The following RSPH14 variants were observed in gnomAD, a reference collection of about 807,000 sequenced individuals.
RSPH14 encodes the protein rhabdoid tumor deletion region gene 1.
A neutral mutation model predicts 26.7 loss-of-function variants in RSPH14; 20 were observed. That is an observed-to-expected ratio of 0.75 (90% CI 0.53 to 1.09). The LOEUF (loss-of-function observed/expected upper bound fraction) is 1.09. Ranked by LOEUF, RSPH14 falls within the 50% of genes least tolerant of loss-of-function variation. The probability of loss-of-function intolerance (pLI) is 0.00; values close to 1 mark genes in which losing one functional copy is unlikely to be tolerated. For missense variants in RSPH14, 449 were observed against 457.2 expected (o/e 0.98, Z 0.16); for synonymous variants, 177 against 189.3 (o/e 0.93, Z 0.53).
upstream of RSPH14, chr22:23,149,947 C>T (rs1437152483): frequency 1.0e-5 from 8 of 792,752 alleles, no homozygotes; most frequent in East Asian, 2.2e-4. Flanking sequence ...AATGAGGCTG[C>T]CAGCTGTGAG....
At chr22:23,135,317 CAA>C (rs55649510) in intron 3 of RSPH14, among the ~76,000 whole-genome samples, 1,299 of 85,858 alleles carry the variant, frequency 0.015, 9 homozygotes, top group African/African-American at 0.034. Context: ...ACTAAAAATA[CAA>C]AAAAAAAAAA....
chr22:23,121,186 TC>T (rs1282700490), intron 4 of RSPH14, among the ~76,000 whole-genome samples: 1 of 152,110 alleles, frequency 6.6e-6, no homozygotes, highest in East Asian at 1.9e-4. Context: ...AGCACCCCCA[TC>T]CCCAGACCTG....
At chr22:23,103,234 G>T (rs1233018059) in intron 4 of RSPH14, among the ~76,000 whole-genome samples, 2 of 152,164 alleles carry the variant, frequency 1.3e-5, no homozygotes, top group African/African-American at 4.8e-5. Context: ...AGCCAGGTAG[G>T]AGTAATCACA....
Position 23,063,985 on chromosome 22 carries a change from A to G in RSPH14, c.570T>C (p.Asn190=), listed in dbSNP as rs748247972. ...GCTTCTGCTTCAGGACAAGCACCAC[A>G]TTGCTGCCCAGGGCCTCGGTGGCAT... ...QEDATEALGS[N]VVLVLKQKLL... Residue 190 remains asparagine (N), a synonymous_variant, in exon 5 of 7, where the codon AAT becomes AAC. Coordinates refer to ENST00000216036, the MANE Select transcript of RSPH14 (RefSeq NM_014433.3). The G allele has an allele frequency of 1.9e-6, 3 of 1,614,034 alleles. No individual in the cohort carries two copies. Among genetic ancestry groups the G allele is most frequent in the South Asian group, 1.1e-5 (1 of 91,074 alleles).
chr22:23,125,746 G>A (rs1601846963), intron 4 of RSPH14, among the ~76,000 whole-genome samples: 1 of 152,328 alleles, frequency 6.6e-6, no homozygotes, highest in Non-Finnish European at 1.5e-5. Context: ...CCAGGGAGCT[G>A]TTGCTCCCAC....
the RSPH14 span, among the ~76,000 whole-genome samples, chr22:23,173,678 C>G: frequency 7.2e-6 from 1 of 139,490 alleles, no homozygotes; most frequent in East Asian, 2.1e-4. Context: ...GGTGCCCAGG[C>G]TGGTCTCAAA....
upstream of RSPH14, among the ~76,000 whole-genome samples, chr22:23,149,630 T>A (rs1231294187): frequency 1.3e-5 from 2 of 152,178 alleles, no homozygotes; most frequent in Non-Finnish European, 2.9e-5. Flanking sequence ...CTCTGTCTCT[T>A]GAGCTGAAGC....
chr22:23,136,449 A>T (rs2070486390), intron 3 of RSPH14: 1 of 511,496 alleles, frequency 2.0e-6, no homozygotes, highest in Non-Finnish European at 3.7e-6. Flanking sequence ...GAAATTTAGA[A>T]GTTGGCCACA....
At chr22:23,156,145 G>GAGAAA in the RSPH14 span, 1 of 882,768 alleles carries the variant, frequency 1.1e-6, no homozygotes, top group Non-Finnish European at 1.7e-6. Flanking sequence ...TGTCCTCCAA[G>GAGAAA]ACCCACTGAG....
At position 23,082,135 on chromosome 22, in the gene RSPH14, C is replaced by CA. The variant is rs77916701; in HGVS notation, c.422-18003dup. ...GCAAGACTCCGCCTCAAAAAAAAAA[C>CA]AAAAAAAAAAAACACCCCAGAAATA... is the stretch of plus-strand genomic sequence containing the variant. On this transcript the variant is annotated intron_variant, in intron 4 of 6. Transcript: ENST00000216036. Among the ~76,000 whole-genome samples the CA allele has an allele frequency of 9.6e-3, 1,326 of 137,506 alleles. 11 individuals carry two copies. The highest frequency in any genetic ancestry group is 0.034 in the East Asian group (155 of 4,594). 90.2% of individuals were successfully genotyped at this position (137,506 alleles called of 152,430 possible).
the RSPH14 span, chr22:23,153,188 A>G: frequency 2.9e-6 from 4 of 1,369,970 alleles, no homozygotes; most frequent in South Asian, 3.5e-5. Context: ...GGCACCTGAG[A>G]AAGGATTTGG....
At chr22:23,120,711 GC>G (rs2069995093) in intron 4 of RSPH14, among the ~76,000 whole-genome samples, 2 of 151,808 alleles carry the variant, frequency 1.3e-5, no homozygotes, top group South Asian at 4.2e-4. Flanking sequence ...GCCAGATCAC[GC>G]CCTTCCCAAC....
intron 4 of RSPH14, among the ~76,000 whole-genome samples, chr22:23,111,782 G>A (rs1004386990): frequency 6.6e-6 from 1 of 152,188 alleles, no homozygotes; most frequent in Non-Finnish European, 1.5e-5. Flanking sequence ...AGGCTCCACA[G>A]GGCAAGCCCC....
At chr22:23,157,156 C>G in the RSPH14 span, among the ~76,000 whole-genome samples, 1 of 152,220 alleles carries the variant, frequency 6.6e-6, no homozygotes, top group Non-Finnish European at 1.5e-5. Context: ...TTCTGCCCAC[C>G]TGGCTCCCCG....
upstream of RSPH14, chr22:23,145,982 C>T (rs766581816): frequency 2.1e-4 from 210 of 985,306 alleles, no homozygotes; most frequent in Non-Finnish European, 2.4e-4. Context: ...GACCCCTCCC[C>T]ACTCTACTTC....
At chr22:23,161,633 G>C in the RSPH14 span, 1 of 1,318,194 alleles carries the variant, frequency 7.6e-7, no homozygotes, top group South Asian at 1.3e-5. Context: ...ACTGTGGTGT[G>C]GAGACTGGAG....
the RSPH14 span, among the ~76,000 whole-genome samples, chr22:23,177,571 G>A: frequency 6.6e-6 from 1 of 152,072 alleles, no homozygotes; most frequent in Non-Finnish European, 1.5e-5. Context: ...CCCATGCCCT[G>A]CTGCATTCCT....
At chr22:23,096,600 G>A (rs577218721) in intron 4 of RSPH14, among the ~76,000 whole-genome samples, 58 of 152,302 alleles carry the variant, frequency 3.8e-4, no homozygotes, top group Non-Finnish European at 6.0e-4. Flanking sequence ...AGGGTGTGGA[G>A]TGCAGGTGTC....
At chr22:23,092,140 G>A (rs5751583) in intron 4 of RSPH14, among the ~76,000 whole-genome samples, 12,261 of 152,168 alleles carry the variant, frequency 0.081, 1,269 homozygotes, top group East Asian at 0.53. Flanking sequence ...CTTGGCCTTT[G>A]TCTCTTGGCC....
Sources: gnomAD v4.1 joint callset for allele counts (sites outside exome capture counted in the v4.1 genomes callset) on GRCh38, gnomAD v4.1.1 for gene constraint, MANE v1.5 for transcripts, NCBI Gene and HGNC (gene_info 2026-07-23, HGNC 2026-07-21) for gene names.